Variants in ZFPM2 observed in about 807,000 individuals in gnomAD.
The protein encoded by ZFPM2 is zinc finger protein ZFPM2.
A neutral mutation model predicts 98.6 loss-of-function variants in ZFPM2; 20 were observed. The observed-to-expected ratio is 0.20, with a 90% CI of 0.14 to 0.29. The LOEUF (loss-of-function observed/expected upper bound fraction) is 0.29. Among genes scored for constraint, ZFPM2 ranks in the 10% least tolerant of loss-of-function variants. ZFPM2 has a pLI of 1.00. For missense variants in ZFPM2, 1,310 were observed against 1,388.6 expected, an observed-to-expected ratio of 0.94 and a Z score of 0.90; for synonymous variants, 518 against 502.7, an observed-to-expected ratio of 1.03 and a Z score of -0.41.
chr8:105,710,135 TA>T (rs776601180), intron 5 of ZFPM2, among the ~76,000 whole-genome samples: 18 of 151,526 alleles, frequency 1.2e-4, no homozygotes, highest in Non-Finnish European at 1.9e-4. Flanking sequence ...TCAACTGAGA[TA>T]AAAAAAACTT....
intron 5 of ZFPM2, among the ~76,000 whole-genome samples, chr8:105,642,438 A>T (rs902550809): frequency 6.6e-6 from 1 of 152,134 alleles, no homozygotes; most frequent in African/African-American, 2.4e-5. Flanking sequence ...AAATATTTGC[A>T]TTTGAAAATC....
At chr8:105,405,820 G>A (rs1288207239) in intron 1 of ZFPM2, among the ~76,000 whole-genome samples, 1 of 152,062 alleles carries the variant, frequency 6.6e-6, no homozygotes, top group East Asian at 1.9e-4. Flanking sequence ...GGGTCAAATG[G>A]TATTTCTAGT....
chr8:105,726,529 C>A (rs1488140656), intron 5 of ZFPM2, among the ~76,000 whole-genome samples: 1 of 151,816 alleles, frequency 6.6e-6, no homozygotes, highest in Non-Finnish European at 1.5e-5. Context: ...ACCATTAGGA[C>A]TGGTCAGTAA....
chr8:105,675,040 A>G (rs376835205), intron 5 of ZFPM2, among the ~76,000 whole-genome samples: 3 of 152,148 alleles, frequency 2.0e-5, no homozygotes, highest in East Asian at 3.9e-4. Context: ...GTACAAGGTC[A>G]TGAACTCAAG....
chr8:105,344,313 T>C (rs1179768161), intron 1 of ZFPM2, among the ~76,000 whole-genome samples: 1 of 152,146 alleles, frequency 6.6e-6, no homozygotes, highest in Non-Finnish European at 1.5e-5. Flanking sequence ...GTCAGAACTC[T>C]CAAAGCCTTG....
intron 5 of ZFPM2, among the ~76,000 whole-genome samples, chr8:105,755,481 G>A (rs1308779092): frequency 6.6e-6 from 1 of 152,112 alleles, no homozygotes; most frequent in Non-Finnish European, 1.5e-5. Context: ...TCATTTGAGT[G>A]CTTTAATATA....
chr8:105,593,232 G>A (rs1197366012), intron 4 of ZFPM2, among the ~76,000 whole-genome samples: 3 of 152,036 alleles, frequency 2.0e-5, no homozygotes, highest in African/African-American at 4.8e-5. Flanking sequence ...AGGGAGCCCA[G>A]GAATGTATTG....
intron 5 of ZFPM2, among the ~76,000 whole-genome samples, chr8:105,762,603 G>A (rs917024576): frequency 6.6e-6 from 1 of 151,926 alleles, no homozygotes; most frequent in Non-Finnish European, 1.5e-5. Flanking sequence ...TTGACTATTA[G>A]AAATGGAGTT....
At position 105,691,409 on chromosome 8, in the gene ZFPM2, C is replaced by T. The variant is rs867637552; in HGVS notation, c.532+57052C>T. Among the ~76,000 whole-genome samples the T allele has an allele frequency of 1.1e-4, 16 of 142,106 alleles. 1 individual carries two copies. Among genetic ancestry groups the T allele is most frequent in the Middle Eastern group, 3.7e-3 (1 of 270 alleles). 93.2% of individuals were successfully genotyped at this position (142,106 alleles called of 152,430 possible). ...GACTACGGGCGCCCGCCACCGCGCC[C>T]GGCTAATTTTTTGTATTTTTAGTAG... On this transcript the variant is annotated intron_variant, in intron 5 of 7. Coordinates refer to ENST00000407775, the MANE Select transcript of ZFPM2 (RefSeq NM_012082.4).
chr8:105,343,850 A>G (rs1033470257), intron 1 of ZFPM2, among the ~76,000 whole-genome samples: 3 of 152,060 alleles, frequency 2.0e-5, no homozygotes, highest in African/African-American at 4.8e-5. Context: ...CATTCAGTTC[A>G]ATTTTAGAAG....
intron 3 of ZFPM2, among the ~76,000 whole-genome samples, chr8:105,493,925 C>T (rs1813406546): frequency 6.6e-6 from 1 of 152,060 alleles, no homozygotes; most frequent in East Asian, 2.0e-4. Flanking sequence ...TCAAGGACTA[C>T]TTATTGCTTG....
chr8:105,476,992 G>A (rs1813025050), intron 3 of ZFPM2, among the ~76,000 whole-genome samples: 1 of 152,010 alleles, frequency 6.6e-6, no homozygotes, highest in South Asian at 2.1e-4. Flanking sequence ...GATGTTTGGT[G>A]TTTCATCTTT....
intron 7 of ZFPM2, among the ~76,000 whole-genome samples, chr8:105,800,846 G>A (rs1336783993): frequency 6.6e-6 from 1 of 152,044 alleles, no homozygotes; most frequent in Non-Finnish European, 1.5e-5. Context: ...ATTCATGAAA[G>A]TACTTTGAAA....
At chr8:105,519,178 C>A (rs1813999410) in intron 3 of ZFPM2, among the ~76,000 whole-genome samples, 1 of 151,994 alleles carries the variant, frequency 6.6e-6, no homozygotes, top group African/African-American at 2.4e-5. Context: ...TGTTATATAG[C>A]TAGTAAGTGG....
chr8:105,481,454 C>T (rs760136886), intron 3 of ZFPM2, among the ~76,000 whole-genome samples: 2 of 152,172 alleles, frequency 1.3e-5, no homozygotes, highest in Admixed American at 6.5e-5. Context: ...TTTGTGCACA[C>T]GGAAAGACGG....
chr8:105,726,787 A>G (rs1811818053), intron 5 of ZFPM2, among the ~76,000 whole-genome samples: 1 of 151,742 alleles, frequency 6.6e-6, no homozygotes. Context: ...GGCTACTGCT[A>G]AAACATCATG....
chr8:105,692,969 G>A (rs1006749635), intron 5 of ZFPM2, among the ~76,000 whole-genome samples: 1 of 152,194 alleles, frequency 6.6e-6, no homozygotes, highest in African/African-American at 2.4e-5. Flanking sequence ...GTATGGGAGT[G>A]TGCAGGATTG....
chr8:105,552,193 G>A (rs1814869811), intron 3 of ZFPM2, among the ~76,000 whole-genome samples: 1 of 152,070 alleles, frequency 6.6e-6, no homozygotes, highest in African/African-American at 2.4e-5. Context: ...TCCTCCTGGA[G>A]AAAAACACAC....
chr8:105,374,807 A>G (rs1052743793), intron 1 of ZFPM2, among the ~76,000 whole-genome samples: 11 of 152,272 alleles, frequency 7.2e-5, no homozygotes, highest in African/African-American at 2.4e-4. Context: ...ACAAGTTAAC[A>G]TCTGGATCAG....
Sources: gnomAD v4.1 joint callset for allele counts (sites outside exome capture counted in the v4.1 genomes callset) on GRCh38, gnomAD v4.1.1 for gene constraint, MANE v1.5 for transcripts, NCBI Gene and HGNC (gene_info 2026-07-23, HGNC 2026-07-21) for gene names.